LITAF: variants seen among roughly 807,000 people sequenced by gnomAD.
LITAF encodes the protein lipopolysaccharide induced TNF factor, also known as lipopolysaccharide-induced tumor necrosis factor-alpha factor.
Under a neutral mutation model 14.5 loss-of-function variants are expected in LITAF, and 9 were observed. The ratio of observed to expected loss-of-function variants is 0.62; its 90% confidence interval spans 0.37 to 1.08. The LOEUF (loss-of-function observed/expected upper bound fraction) is 1.08, where lower values mean the gene tolerates loss of function less well. LITAF is among the 50% of genes least tolerant of loss of function. The probability of loss-of-function intolerance (pLI) is 0.01; values close to 1 mark genes in which losing one functional copy is unlikely to be tolerated. For missense variants in LITAF, 206 were observed against 213.4 expected, an observed-to-expected ratio of 0.97 and a Z score of 0.22; for synonymous variants, 98 against 88.2, an observed-to-expected ratio of 1.11 and a Z score of -0.62.
chr16:11,638,701 C>CAAAAAAAAAAAAAAA (rs57170972), upstream of LITAF, among the ~76,000 whole-genome samples: 1 of 75,966 alleles, frequency 1.3e-5, no homozygotes, highest in Non-Finnish European at 3.2e-5. Context: ...GACTCTGTCT[C>CAAAAAAAAAAAAAAA]AAAAAAAAAA....
intron 1 of LITAF, among the ~76,000 whole-genome samples, chr16:11,557,064 G>GTT (rs1555467011): frequency 9.9e-4 from 136 of 137,678 alleles, no homozygotes; most frequent in Middle Eastern, 3.5e-3. Context: ...CTTCTTCGTT[G>GTT]TTTTTTTTTG....
At chr16:11,577,180 C>G (rs897865308) in intron 1 of LITAF, among the ~76,000 whole-genome samples, 1 of 152,216 alleles carries the variant, frequency 6.6e-6, no homozygotes, top group African/African-American at 2.4e-5. Flanking sequence ...GGGATGTGAT[C>G]TATATTTCCC....
intron 3 of LITAF, among the ~76,000 whole-genome samples, chr16:11,607,433 T>A (rs1020266392): frequency 3.3e-5 from 5 of 152,176 alleles, no homozygotes; most frequent in African/African-American, 1.2e-4. Context: ...TTTGGGTCAG[T>A]GAGAATCTTG....
At chr16:11,568,568 C>G (rs531666171) in intron 1 of LITAF, among the ~76,000 whole-genome samples, 1 of 152,046 alleles carries the variant, frequency 6.6e-6, no homozygotes, top group African/African-American at 2.4e-5. Context: ...GTCACAACGT[C>G]AACAGTTCCA....
rs901451069 is a variant in LITAF, at chr16:11,617,056, C to A, written c.85+16477G>T. ...TCAACATGGTGAAACCCCATCTCTA[C>A]TAAAAATACAAAAATTTGCCAGGCG... On this transcript the variant is annotated intron_variant, in intron 3 of 3. Coordinates refer to the LITAF transcript ENST00000574848. 2.6e-5 allele frequency among the ~76,000 whole-genome samples: 4 copies of A among 151,470 alleles called. No individual in the cohort carries two copies. The South Asian group carries it at 8.3e-4, about 31-fold the overall frequency.
At chr16:11,589,877 G>T (rs1054840087), upstream of LITAF, among the ~76,000 whole-genome samples, 1 of 151,590 alleles carries the variant, frequency 6.6e-6, no homozygotes, top group Non-Finnish European at 1.5e-5. Context: ...ACCTGCCTGG[G>T]CCTCCCAAAG....
upstream of LITAF, among the ~76,000 whole-genome samples, chr16:11,602,311 G>A (rs141658439): frequency 7.6e-4 from 116 of 152,228 alleles, no homozygotes; most frequent in African/African-American, 2.5e-3. Flanking sequence ...AGCTGAGATC[G>A]CACCACTGCA....
At chr16:11,588,994 T>C (rs1400962944), upstream of LITAF, among the ~76,000 whole-genome samples, 1 of 152,174 alleles carries the variant, frequency 6.6e-6, no homozygotes, top group Non-Finnish European at 1.5e-5. Flanking sequence ...TTTGTTTTTC[T>C]TTCCCCAACT....
Position 11,549,727 on chromosome 16 carries a change from G to A in LITAF, c.396C>T (p.Cys132=). Reference sequence around the variant, plus strand: ...GGGCATCCACGCAGAAGGGGATGAAGCAGCAGCCCGCTATGCACCTGGGAG... The same window carrying A: ...GGGCATCCACGCAGAAGGGGATGAAACAGCAGCCCGCTATGCACCTGGGAG... ...LCLLGCIAGC[C]FIPFCVDALQ... The change falls in exon 4 of 4, where the codon TGC becomes TGT. Residue 132 remains cysteine, a synonymous_variant. Coordinates refer to ENST00000622633, the MANE Select transcript of LITAF (RefSeq NM_001136472.2). The surrounding 1 kb of genome is among the most constrained non-coding windows in gnomAD (Gnocchi z 4.6). The A allele has an allele frequency of 1.9e-6, 3 of 1,613,330 alleles. No homozygotes were observed. Among genetic ancestry groups the A allele is most frequent in the Non-Finnish European group, 2.5e-6 (3 of 1,179,620 alleles).
At chr16:11,585,760 G>C (rs779445432) in intron 1 of LITAF, among the ~76,000 whole-genome samples, 2 of 152,200 alleles carry the variant, frequency 1.3e-5, no homozygotes, top group South Asian at 4.1e-4. Flanking sequence ...ACCAGCACCA[G>C]TGCACCAGGC....
At chr16:11,568,682 TG>T (rs1344436914) in intron 1 of LITAF, among the ~76,000 whole-genome samples, 1 of 131,096 alleles carries the variant, frequency 7.6e-6, no homozygotes, top group Non-Finnish European at 1.6e-5. Context: ...TGTTTTTTTT[TG>T]TTTTTTTTTT....
intron 1 of LITAF, among the ~76,000 whole-genome samples, chr16:11,583,915 T>A (rs1478829456): frequency 6.6e-6 from 1 of 152,222 alleles, no homozygotes; most frequent in Non-Finnish European, 1.5e-5. Context: ...TCTATGAAAT[T>A]ACACAATTCT....
intron 1 of LITAF, among the ~76,000 whole-genome samples, chr16:11,571,751 C>A (rs962118566): frequency 3.9e-5 from 6 of 152,146 alleles, no homozygotes; most frequent in Non-Finnish European, 8.8e-5. Context: ...CAGACAATGT[C>A]CCCTCTTGCC....
chr16:11,623,058 G>A (rs1191270500), intron 3 of LITAF, among the ~76,000 whole-genome samples: 1 of 151,096 alleles, frequency 6.6e-6, no homozygotes, highest in Non-Finnish European at 1.5e-5. Flanking sequence ...CCGCCTCCTG[G>A]GTTCATGTCA....
chr16:11,563,220 C>T (rs989041452), intron 1 of LITAF, among the ~76,000 whole-genome samples: 1 of 152,040 alleles, frequency 6.6e-6, no homozygotes, highest in African/African-American at 2.4e-5. Context: ...GTGATCTTGG[C>T]TCATGGCAAC....
At chr16:11,611,930 G>C (rs1025312842) in intron 3 of LITAF, among the ~76,000 whole-genome samples, 4 of 152,170 alleles carry the variant, frequency 2.6e-5, no homozygotes, top group South Asian at 4.1e-4. Context: ...CTCCCAAAGT[G>C]CTGGGATGAC....
intron 1 of LITAF, among the ~76,000 whole-genome samples, chr16:11,596,344 A>T (rs947401781): frequency 5.9e-5 from 9 of 151,376 alleles, no homozygotes; most frequent in Middle Eastern, 3.2e-3. Flanking sequence ...ATAATGACAC[A>T]CAGGTGTCCT....
intron 3 of LITAF, among the ~76,000 whole-genome samples, chr16:11,624,689 C>G (rs1273625070): frequency 2.0e-5 from 3 of 152,168 alleles, no homozygotes; most frequent in Non-Finnish European, 4.4e-5. Flanking sequence ...TTCCAACAGA[C>G]TGCAGTTAAA....
At chr16:11,556,243 G>T (rs373958927) in intron 2 of LITAF, 1 of 539,456 alleles carries the variant, frequency 1.9e-6, no homozygotes, top group East Asian at 2.9e-5. Flanking sequence ...TCAGAAGAAA[G>T]TTGGTTGTGC....
Sources: gnomAD v4.1 joint callset for allele counts (sites outside exome capture counted in the v4.1 genomes callset) on GRCh38, gnomAD v4.1.1 for gene constraint, Gnocchi (gnomAD v3.1) non-coding constraint, MANE v1.5 for transcripts, NCBI Gene and HGNC (gene_info 2026-07-23, HGNC 2026-07-21) for gene names.